Variants in SUMF1 observed in about 807,000 individuals in gnomAD.
SUMF1 encodes formylglycine-generating enzyme.
In SUMF1, 48 loss-of-function variants were observed where a neutral mutation model predicts 47.6. The ratio of observed to expected loss-of-function variants is 1.01; its 90% CI spans 0.80 to 1.28. The LOEUF (loss-of-function observed/expected upper bound fraction) is 1.28, where lower values mean the gene tolerates loss of function less well. SUMF1 is among the 50% of genes most tolerant of loss of function. The pLI, the probability that SUMF1 is intolerant of heterozygous loss-of-function variation, is 0.00. For synonymous variants in SUMF1, 230 were observed against 192.1 expected, an observed-to-expected ratio of 1.20 and a Z score of -1.63; for missense variants, 571 against 485.4, an observed-to-expected ratio of 1.18 and a Z score of -1.66.
At chr3:4,404,527 G>A (rs753601818) in intron 7 of SUMF1, among the ~76,000 whole-genome samples, 21 of 152,166 alleles carry the variant, frequency 1.4e-4, no homozygotes, top group Non-Finnish European at 2.8e-4. Flanking sequence ...GAAGGCTGAG[G>A]CGGGTGAATC....
intron 8 of SUMF1, among the ~76,000 whole-genome samples, chr3:4,223,757 A>G (rs1394845695): frequency 6.6e-6 from 1 of 152,128 alleles, no homozygotes; most frequent in East Asian, 1.9e-4. Flanking sequence ...AGGTGGTGGT[A>G]ATGTTTAAAG....
chr3:4,456,704 A>ATATG (rs2079623138), intron 1 of SUMF1, among the ~76,000 whole-genome samples: 1 of 123,862 alleles, frequency 8.1e-6, no homozygotes, highest in Non-Finnish European at 1.7e-5. Flanking sequence ...ATATATATAT[A>ATATG]CGTATATATA....
At chr3:4,398,774 T>C (rs1413333276) in intron 7 of SUMF1, among the ~76,000 whole-genome samples, 1 of 152,234 alleles carries the variant, frequency 6.6e-6, no homozygotes, top group Non-Finnish European at 1.5e-5. Flanking sequence ...CTGTATGACA[T>C]AGCGATTCCC....
chr3:4,390,040 G>A lies in SUMF1; in HGVS notation c.955-13651C>T, dbSNP rs185008704. Among the ~76,000 whole-genome samples the A allele has an allele frequency of 4.6e-5, 7 of 152,240 alleles. No individual in the cohort carries two copies. The East Asian group carries it at 5.8e-4, about 13-fold the overall frequency. ...TGGCAAGTGACTTTTCAACTTAAACGTGGACATGTTCTTATTATGTTAAAA... is the reference window on the plus strand; with the variant it reads ...TGGCAAGTGACTTTTCAACTTAAACATGGACATGTTCTTATTATGTTAAAA... On this transcript the variant is annotated intron_variant, in intron 7 of 8. Transcript: ENST00000272902.
intron 8 of SUMF1, among the ~76,000 whole-genome samples, chr3:4,140,408 G>C (rs1190809682): frequency 3.3e-5 from 5 of 151,882 alleles, no homozygotes; most frequent in African/African-American, 9.7e-5. Flanking sequence ...CCATTCTTAT[G>C]TAACTTCCTG....
At chr3:4,255,040 A>G (rs1193132310) in intron 8 of SUMF1, among the ~76,000 whole-genome samples, 2 of 150,816 alleles carry the variant, frequency 1.3e-5, no homozygotes, top group South Asian at 2.1e-4. Flanking sequence ...GGAGAAATAA[A>G]ATCCTTTACA....
intron 9 of SUMF1, among the ~76,000 whole-genome samples, chr3:4,058,153 A>C (rs1695221338): frequency 1.3e-5 from 2 of 152,174 alleles, no homozygotes; most frequent in African/African-American, 4.8e-5. Flanking sequence ...CCAAGATCAC[A>C]CAGATAGTAG....
intron 1 of SUMF1, among the ~76,000 whole-genome samples, chr3:4,458,039 G>T (rs1206358959): frequency 6.6e-6 from 1 of 152,020 alleles, no homozygotes; most frequent in Non-Finnish European, 1.5e-5. Context: ...TCAATAGCAA[G>T]AAAACAAAGA....
At chr3:4,397,263 G>A (rs1052260748) in intron 7 of SUMF1, among the ~76,000 whole-genome samples, 7 of 152,170 alleles carry the variant, frequency 4.6e-5, no homozygotes, top group African/African-American at 1.4e-4. Context: ...GCAACTTCTA[G>A]GTCAACTAAA....
intron 8 of SUMF1, among the ~76,000 whole-genome samples, chr3:4,208,422 T>C (rs550932560): frequency 2.6e-4 from 39 of 148,540 alleles, no homozygotes; most frequent in African/African-American, 8.5e-4. Context: ...TTACCCAGTA[T>C]ATCATGTCAA....
downstream of SUMF1, among the ~76,000 whole-genome samples, chr3:4,357,152 T>A (rs894193369): frequency 6.6e-6 from 1 of 152,178 alleles, no homozygotes; most frequent in African/African-American, 2.4e-5. Flanking sequence ...AATGGAATGT[T>A]AATATTTGTT....
intron 3 of SUMF1, among the ~76,000 whole-genome samples, chr3:4,448,179 G>A (rs1007512206): frequency 2.0e-5 from 3 of 152,044 alleles, no homozygotes; most frequent in Non-Finnish European, 4.4e-5. Context: ...TTAAAAAGTG[G>A]CTCAATTCAC....
intron 8 of SUMF1, among the ~76,000 whole-genome samples, chr3:4,139,792 A>C (rs1368450928): frequency 6.6e-6 from 1 of 151,750 alleles, no homozygotes; most frequent in African/African-American, 2.4e-5. Context: ...CCCCCTTTAC[A>C]CTTCCAGGAT....
chr3:4,332,264 A>C (rs940191537), intron 8 of SUMF1, among the ~76,000 whole-genome samples: 2 of 152,168 alleles, frequency 1.3e-5, no homozygotes, highest in Non-Finnish European at 2.9e-5. Flanking sequence ...AGTTCTCAAA[A>C]TCTCACCTCC....
At chr3:4,450,156 C>G (rs1282304319) in intron 2 of SUMF1, among the ~76,000 whole-genome samples, 4 of 152,164 alleles carry the variant, frequency 2.6e-5, no homozygotes, top group Admixed American at 2.6e-4. Context: ...GATTCTCATT[C>G]TGGGGGTCTA....
intron 7 of SUMF1, among the ~76,000 whole-genome samples, chr3:4,392,677 A>G (rs1700911919): frequency 6.6e-6 from 1 of 151,166 alleles, no homozygotes; most frequent in Non-Finnish European, 1.5e-5. Context: ...AGAGCGAGAG[A>G]GAGAGCACAT....
intron 8 of SUMF1, among the ~76,000 whole-genome samples, chr3:4,235,768 G>A (rs1435944823): frequency 6.6e-6 from 1 of 151,988 alleles, no homozygotes; most frequent in Non-Finnish European, 1.5e-5. Context: ...TATTTTTTAT[G>A]CATAAGCATC....
At chr3:4,094,594 T>C (rs1365187845) in intron 8 of SUMF1, among the ~76,000 whole-genome samples, 2 of 152,048 alleles carry the variant, frequency 1.3e-5, no homozygotes, top group Non-Finnish European at 2.9e-5. Context: ...GTCCCAGTTA[T>C]GCCTTTTGTC....
At chr3:4,378,750 G>A (rs575399125) in intron 7 of SUMF1, among the ~76,000 whole-genome samples, 4 of 152,266 alleles carry the variant, frequency 2.6e-5, no homozygotes, top group South Asian at 4.1e-4. Flanking sequence ...ACTGTTTCTC[G>A]CTTAACAATT....
Sources: gnomAD v4.1 joint callset for allele counts (sites outside exome capture counted in the v4.1 genomes callset) on GRCh38, gnomAD v4.1.1 for gene constraint, MANE v1.5 for transcripts, NCBI Gene and HGNC (gene_info 2026-07-23, HGNC 2026-07-21) for gene names.